ZNF516: variants seen among roughly 807,000 people sequenced by gnomAD.
ZNF516 encodes the protein zinc finger protein 516.
ZNF516 carries 19 observed loss-of-function variants against 79.7 expected under a neutral mutation model. The observed-to-expected ratio is 0.24, with a 90% CI of 0.17 to 0.35. The LOEUF is 0.35. Ranked by LOEUF, ZNF516 falls within the 10% of genes least tolerant of loss-of-function variation. The pLI, the probability that ZNF516 is intolerant of heterozygous loss-of-function variation, is 1.00. For missense variants in ZNF516, 1,678 were observed against 1,679.5 expected, an observed-to-expected ratio of 1.00 and a Z score of 0.02; for synonymous variants, 877 against 739.5, an observed-to-expected ratio of 1.19 and a Z score of -3.02.
intron 3 of ZNF516, among the ~76,000 whole-genome samples, chr18:76,422,299 G>A (rs575865544): frequency 5.3e-5 from 8 of 152,304 alleles, no homozygotes; most frequent in East Asian, 3.9e-4. Context: ...CCGGTCCCTC[G>A]GCACTCCCTG....
At chr18:76,425,143 C>T (rs2075576822) in intron 3 of ZNF516, among the ~76,000 whole-genome samples, 1 of 151,992 alleles carries the variant, frequency 6.6e-6, no homozygotes. Flanking sequence ...GGTTCCAGAA[C>T]CTTCTACATC....
chr18:76,364,769 C>A (rs900472090), intron 6 of ZNF516, among the ~76,000 whole-genome samples: 1 of 152,190 alleles, frequency 6.6e-6, no homozygotes, highest in Non-Finnish European at 1.5e-5. Flanking sequence ...TGGTCAGCCA[C>A]GCAGGCAATG....
At chr18:76,375,967 G>A (rs1599142227) in intron 4 of ZNF516, among the ~76,000 whole-genome samples, 2 of 151,588 alleles carry the variant, frequency 1.3e-5, no homozygotes, top group African/African-American at 4.8e-5. Flanking sequence ...AGACCAGGTA[G>A]AAGATGGACA....
rs1261693552 is a variant in ZNF516 at position 76,442,378 on chromosome 18, G to A, written c.677C>T (p.Ala226Val). ...LSHIERDHITAQGPGSGEACV... is the reference protein window; with the variant it reads ...LSHIERDHITVQGPGSGEACV... ...GGCCTCGCCGCTGCCGGGCCCCTGC[G>A]CGGTGATGTGGTCCCTCTCGATGTG... The change falls in exon 3 of 7, where the codon GCG becomes GTG. Residue 226 changes from alanine (A) to valine (V), a missense_variant. Ala to Val is a moderately conservative substitution (Grantham distance 64). This residue lies in a region of ZNF516 where 279 missense variants were observed against 254.1 expected (regional missense o/e 1.10). Coordinates refer to ENST00000443185, the MANE Select transcript of ZNF516 (RefSeq NM_014643.4). 3 of 1,608,888 alleles carry A rather than the reference G, an allele frequency of 1.9e-6. No homozygotes were observed. The highest frequency in any genetic ancestry group is 2.5e-6 in the Non-Finnish European group (3 of 1,179,536).
At chr18:76,490,233 C>G (rs1915086100) in intron 1 of ZNF516, 2 of 983,768 alleles carry the variant, frequency 2.0e-6, no homozygotes, top group Non-Finnish European at 2.4e-6. Context: ...ACCCAACTCT[C>G]AAACCCCTGA....
At chr18:76,423,925 C>CAT (rs2075550141) in intron 3 of ZNF516, among the ~76,000 whole-genome samples, 24 of 109,466 alleles carry the variant, frequency 2.2e-4, no homozygotes, top group South Asian at 6.1e-4. Context: ...CCTCCTGAAA[C>CAT]ACACATGCAG....
chr18:76,357,827 A>C lies in ZNF516; in HGVS notation c.*4671T>G, dbSNP rs2074478092. 6.6e-6 allele frequency among the ~76,000 whole-genome samples: 1 copy of C among 152,170 alleles called. No individual in the cohort carries two copies. Among genetic ancestry groups the C allele is most frequent in the Non-Finnish European group, 1.5e-5 (1 of 68,044 alleles). ...TTTCCTCCAGGTGTGGCTGAGTCAG[A>C]ATTCCGTCCGCGTCCATCCCTGTGC... is the stretch of plus-strand genomic sequence containing the variant. On this transcript the variant is annotated 3_prime_UTR_variant, in exon 7 of 7. Transcript: ENST00000443185.
intron 6 of ZNF516, 90 bp from the exon 7 acceptor site, chr18:76,362,647 A>C (rs543178989): frequency 7.7e-7 from 1 of 1,302,342 alleles, no homozygotes; most frequent in African/African-American, 1.5e-5. Flanking sequence ...TCTAATCAAC[A>C]TCCAAGAACA....
At chr18:76,484,379 G>GT (rs150427824) in intron 1 of ZNF516, among the ~76,000 whole-genome samples, 1,587 of 152,250 alleles carry the variant, frequency 0.01, 28 homozygotes, top group African/African-American at 0.036. Flanking sequence ...TACAAATAAT[G>GT]TAAGTTTACA....
chr18:76,366,750 T>C (rs1424256628), intron 6 of ZNF516, among the ~76,000 whole-genome samples: 1 of 152,210 alleles, frequency 6.6e-6, no homozygotes, highest in Non-Finnish European at 1.5e-5. Flanking sequence ...TGACAAGAGG[T>C]CACACTGAAT....
At chr18:76,392,851 T>C (rs1233810093) in intron 3 of ZNF516, among the ~76,000 whole-genome samples, 7 of 19,752 alleles carry the variant, frequency 3.5e-4, no homozygotes, top group African/African-American at 1.0e-3. Context: ...AGGCAGGTGG[T>C]CAGGTGGGGG....
At chr18:76,398,555 G>A (rs2145196504) in intron 3 of ZNF516, among the ~76,000 whole-genome samples, 1 of 152,304 alleles carries the variant, frequency 6.6e-6, no homozygotes, top group East Asian at 1.9e-4. Flanking sequence ...TGAAAATAAG[G>A]AAGCTTAGAG....
At chr18:76,495,538 C>G (rs1915447876), upstream of ZNF516, 1 of 243,310 alleles carries the variant, frequency 4.1e-6, no homozygotes, top group South Asian at 3.1e-5. Flanking sequence ...AGGGGACAGT[C>G]TGGAGGCTTG....
chr18:76,436,425 A>G (rs1261042969), intron 3 of ZNF516, among the ~76,000 whole-genome samples: 1 of 151,956 alleles, frequency 6.6e-6, no homozygotes, highest in Non-Finnish European at 1.5e-5. Context: ...AATCGTTTTG[A>G]GCCTCTCGTG....
rs576621839 is a variant in ZNF516 at position 76,488,228 on chromosome 18, G to T, written c.-272+6916C>A. 4.1e-6 allele frequency: 4 copies of T among 985,430 alleles called. No homozygotes were observed. In the African/African-American group the frequency reaches 5.2e-5, roughly 13 times the overall value. The allele number at this position is 985,430 out of a possible 1,614,324, so 61.0% of individuals were successfully genotyped here. A position where few individuals can be genotyped will look rare whatever the true frequency, so the allele number is the denominator to read the frequency against. ...TGCAGCTCCCAACAACAGAGTAGGG[G>T]CCGCTTCCAAGGCCCTGTGAGCTAA... is the stretch of plus-strand genomic sequence containing the variant. On this transcript the variant is annotated intron_variant, in intron 1 of 6. Transcript: ENST00000443185.
At chr18:76,404,843 CTG>C (rs2075283484) in intron 3 of ZNF516, among the ~76,000 whole-genome samples, 1 of 151,792 alleles carries the variant, frequency 6.6e-6, no homozygotes, top group Non-Finnish European at 1.5e-5. Flanking sequence ...ATCACTGTAA[CTG>C]TGTGCATGTG....
chr18:76,416,242 G>A (rs796226891), intron 3 of ZNF516, among the ~76,000 whole-genome samples: 24 of 152,308 alleles, frequency 1.6e-4, no homozygotes, highest in African/African-American at 5.8e-4. Context: ...TGGAAGAGGC[G>A]GCCGGTTCCC....
In ZNF516 at chr18:76,441,628, G is replaced by C. The variant is rs1447179940; in HGVS notation, c.1427C>G (p.Pro476Arg). The C allele has an allele frequency of 6.6e-7, 1 of 1,516,528 alleles. No individual in the cohort carries two copies. The highest frequency in any genetic ancestry group is 2.6e-5 in the East Asian group (1 of 38,936). 93.9% of individuals were successfully genotyped at this position (1,516,528 alleles called of 1,614,324 possible). ...AGGCCCGCTCGCGCGCTTCCGCGGGGGCCCCTGCGCGGCTGGTGCATCCTG... is the reference window on the plus strand; with the variant it reads ...AGGCCCGCTCGCGCGCTTCCGCGGGCGCCCCTGCGCGGCTGGTGCATCCTG... ...REQDAPAAQG[P>R]PRKRASGPGD... The change falls in exon 3 of 7, where the codon CCC (proline) becomes CGC (arginine). Residue 476 changes from proline (P) to arginine (R), a missense_variant. Pro to Arg is a moderately radical substitution (Grantham distance 103, BLOSUM62 -2). Transcript: ENST00000443185.
chr18:76,487,909 G>C (rs547945686), intron 1 of ZNF516: 190 of 981,934 alleles, frequency 1.9e-4, no homozygotes, highest in Non-Finnish European at 2.3e-4. Flanking sequence ...CTGAGGATGA[G>C]AGCCCCCAGG....
Sources: allele counts gnomAD v4.1 joint callset (sites outside exome capture counted in the v4.1 genomes callset), GRCh38; gene constraint gnomAD v4.1.1; regional missense constraint gnomAD v4.1.1; transcripts MANE v1.5; gene names NCBI Gene and HGNC (gene_info 2026-07-23, HGNC 2026-07-21).